The following CAST variants were observed in gnomAD, a reference collection of about 807,000 sequenced individuals.
CAST encodes MIR583 host.
A neutral mutation model predicts 119.6 loss-of-function variants in CAST; 76 were observed. That is an observed-to-expected ratio of 0.64 (90% CI 0.53 to 0.77). The LOEUF is 0.77. Ranked by LOEUF, CAST falls within the 30% of genes least tolerant of loss-of-function variation. The pLI, the probability that CAST is intolerant of heterozygous loss-of-function variation, is 0.00. For missense variants in CAST, 953 were observed against 946.5 expected, an observed-to-expected ratio of 1.01 and a Z score of -0.09; for synonymous variants, 319 against 331.6, an observed-to-expected ratio of 0.96 and a Z score of 0.41.
At chr5:96,114,079 A>G in the CAST span, among the ~76,000 whole-genome samples, 1 of 152,202 alleles carries the variant, frequency 6.6e-6, no homozygotes, top group Non-Finnish European at 1.5e-5. Flanking sequence ...ATGAAAATAA[A>G]AACAGTTTGA....
At chr5:96,326,100 C>G in the CAST span, among the ~76,000 whole-genome samples, 34 of 152,196 alleles carry the variant, frequency 2.2e-4, no homozygotes, top group Admixed American at 7.9e-4. Context: ...TTTCCCCACC[C>G]CCTATTACCT....
the CAST span, among the ~76,000 whole-genome samples, chr5:96,030,114 A>G: frequency 1.3e-5 from 2 of 152,250 alleles, no homozygotes; most frequent in African/African-American, 4.8e-5. Flanking sequence ...TGATGTCTTC[A>G]TTACTCATCC....
At chr5:96,505,412 G>A in the CAST span, among the ~76,000 whole-genome samples, 1,036 of 152,098 alleles carry the variant, frequency 6.8e-3, 12 homozygotes, top group African/African-American at 0.024. Flanking sequence ...CCCGGGAGGT[G>A]GAGGTTGCAG....
At chr5:96,147,603 AAAAACAAAACAAAAC>A in the CAST span, among the ~76,000 whole-genome samples, 7 of 151,946 alleles carry the variant, frequency 4.6e-5, no homozygotes, top group African/African-American at 1.7e-4. Flanking sequence ...ACTCCGTCTC[AAAAACAAAACAAAAC>A]AAAACAAAAC....
intron 24 of CAST, 58 bp downstream of exon 24, chr5:96,757,712 A>G (rs1581316545): frequency 2.6e-6 from 3 of 1,145,864 alleles, no homozygotes; most frequent in Non-Finnish European, 2.5e-6. Context: ...TTCCTTTGAG[A>G]TGGAGTCTTG....
the CAST span, among the ~76,000 whole-genome samples, chr5:96,435,898 T>C: frequency 4.5e-4 from 69 of 152,242 alleles, no homozygotes; most frequent in Admixed American, 2.7e-3. Flanking sequence ...TTTAAACATT[T>C]TGTTACTACG....
At chr5:96,114,180 A>G in the CAST span, among the ~76,000 whole-genome samples, 1 of 151,830 alleles carries the variant, frequency 6.6e-6, no homozygotes, top group Middle Eastern at 3.4e-3. Flanking sequence ...AAGGAAAAGT[A>G]TTCTGGAGAC....
the CAST span, among the ~76,000 whole-genome samples, chr5:96,182,212 G>C: frequency 2.0e-5 from 3 of 152,166 alleles, no homozygotes; most frequent in African/African-American, 7.2e-5. Context: ...GTTAGAAGTT[G>C]CTTCCAGAAT....
the CAST span, among the ~76,000 whole-genome samples, chr5:96,241,134 C>T: frequency 6.6e-6 from 1 of 151,588 alleles, no homozygotes; most frequent in Non-Finnish European, 1.5e-5. Flanking sequence ...CATATGTATA[C>T]ATGTGCCATG....
At chr5:96,087,561 T>C in the CAST span, among the ~76,000 whole-genome samples, 1 of 152,344 alleles carries the variant, frequency 6.6e-6, no homozygotes, top group Middle Eastern at 3.4e-3. Context: ...GAATGACCCC[T>C]GGAATACAAT....
chr5:96,521,560 A>T (rs933951642), upstream of CAST, among the ~76,000 whole-genome samples: 1 of 152,042 alleles, frequency 6.6e-6, no homozygotes, highest in African/African-American at 2.4e-5. Flanking sequence ...TCCCCATAAG[A>T]CTTGTGACTC....
At chr5:96,412,523 G>T in the CAST span, 13 of 1,582,908 alleles carry the variant, frequency 8.2e-6, no homozygotes, top group South Asian at 1.1e-5. Flanking sequence ...ACACACAAAG[G>T]TTGATGTCAG....
intron 1 of CAST, among the ~76,000 whole-genome samples, chr5:96,559,185 T>C (rs1040625842): frequency 1.3e-5 from 2 of 152,210 alleles, no homozygotes; most frequent in Non-Finnish European, 2.9e-5. Flanking sequence ...TCTCAATAAA[T>C]TAGGTATTGA....
the CAST span, among the ~76,000 whole-genome samples, chr5:96,371,219 T>C: frequency 1.3e-5 from 2 of 152,196 alleles, no homozygotes; most frequent in East Asian, 1.9e-4. Flanking sequence ...TAGCTCATTA[T>C]GTAGGAAGGC....
the CAST span, among the ~76,000 whole-genome samples, chr5:96,381,796 A>G: frequency 2.6e-5 from 4 of 152,310 alleles, no homozygotes; most frequent in South Asian, 4.1e-4. Context: ...TACATCTGAC[A>G]TATGGCTTGT....
At chr5:96,662,544 C>T (rs1198490975) in intron 1 of CAST, 47 bp downstream of exon 1, 4 of 1,335,660 alleles carry the variant, frequency 3.0e-6, no homozygotes, top group Admixed American at 4.1e-5. Context: ...GATGGGGTAC[C>T]GGGTCCCGGA....
the CAST span, among the ~76,000 whole-genome samples, chr5:96,018,934 C>G: frequency 2.3e-3 from 345 of 152,266 alleles, 1 homozygote; most frequent in Non-Finnish European, 2.6e-3. Flanking sequence ...ATCATTCATA[C>G]GTTTCCAGTG....
the CAST span, among the ~76,000 whole-genome samples, chr5:96,246,266 TCCG>T: frequency 3.6e-5 from 5 of 138,292 alleles, no homozygotes; most frequent in Non-Finnish European, 7.7e-5. Flanking sequence ...CACTGCAAGC[TCCG>T]CCTCCGGGGT....
chr5:96,316,977 T>C, the CAST span, among the ~76,000 whole-genome samples: 1 of 152,182 alleles, frequency 6.6e-6, no homozygotes, highest in African/African-American at 2.4e-5. Context: ...TGGTTGGCCT[T>C]AAAAGATTAT....
Sources: allele counts gnomAD v4.1 joint callset (sites outside exome capture counted in the v4.1 genomes callset), GRCh38; gene constraint gnomAD v4.1.1; transcripts MANE v1.5; gene names NCBI Gene and HGNC (gene_info 2026-07-23, HGNC 2026-07-21).